Variants in DSCAM observed in about 807,000 individuals in gnomAD.
DSCAM encodes the protein cell adhesion molecule DSCAM.
Under a neutral mutation model 217.7 loss-of-function variants are expected in DSCAM, and 47 were observed. The ratio of observed to expected loss-of-function variants is 0.22; its 90% CI spans 0.17 to 0.28. DSCAM has a LOEUF of 0.28. Ranked by LOEUF, DSCAM falls within the 10% of genes least tolerant of loss-of-function variation. DSCAM has a pLI of 1.00. For synonymous variants in DSCAM, 1,056 were observed against 1,015.3 expected, an observed-to-expected ratio of 1.04 and a Z score of -0.76; for missense variants, 2,080 against 2,618.3, an observed-to-expected ratio of 0.79 and a Z score of 4.49.
intron 9 of DSCAM, among the ~76,000 whole-genome samples, chr21:40,298,546 GATA>G (rs1269473194): frequency 6.6e-6 from 1 of 152,156 alleles, no homozygotes; most frequent in Admixed American, 6.5e-5. Context: ...TTTAAAATAA[GATA>G]ATAAGGAATG....
intron 11 of DSCAM, among the ~76,000 whole-genome samples, chr21:40,218,625 G>T (rs1415929884): frequency 6.6e-6 from 1 of 151,002 alleles, no homozygotes; most frequent in Admixed American, 6.6e-5. Flanking sequence ...ACATGAGCTT[G>T]GGATTTTTTT....
At chr21:40,368,532 T>C (rs1297071075) in intron 4 of DSCAM, among the ~76,000 whole-genome samples, 1 of 152,200 alleles carries the variant, frequency 6.6e-6, no homozygotes, top group Non-Finnish European at 1.5e-5. Context: ...AACAGTACAT[T>C]ATCAAGGACA....
At chr21:40,479,095 G>A (rs1047527092) in intron 3 of DSCAM, among the ~76,000 whole-genome samples, 1 of 152,152 alleles carries the variant, frequency 6.6e-6, no homozygotes, top group African/African-American at 2.4e-5. Context: ...TATGTGCCAG[G>A]TGCTGTGCTA....
intron 3 of DSCAM, among the ~76,000 whole-genome samples, chr21:40,429,434 T>C (rs1050106767): frequency 6.6e-6 from 1 of 151,838 alleles, no homozygotes; most frequent in African/African-American, 2.4e-5. Context: ...GCCTGGCTAA[T>C]TTTTTGTATT....
chr21:40,811,977 T>C (rs1427716846), intron 1 of DSCAM, among the ~76,000 whole-genome samples: 3 of 152,204 alleles, frequency 2.0e-5, no homozygotes, highest in Non-Finnish European at 4.4e-5. Context: ...AAAAAGAGAA[T>C]ATTTCTTCTT....
intron 3 of DSCAM, among the ~76,000 whole-genome samples, chr21:40,537,001 T>C (rs190504721): frequency 6.6e-5 from 10 of 152,264 alleles, no homozygotes; most frequent in African/African-American, 2.4e-4. Flanking sequence ...ACCTAACTTA[T>C]TCCAAACTTT....
chr21:40,789,094 G>C (rs561421925), intron 1 of DSCAM, among the ~76,000 whole-genome samples: 5 of 152,044 alleles, frequency 3.3e-5, no homozygotes, highest in African/African-American at 7.2e-5. Context: ...TGCTACAAAC[G>C]CTTCATCTTA....
intron 20 of DSCAM, among the ~76,000 whole-genome samples, chr21:40,122,229 G>C (rs114352850): frequency 6.6e-6 from 1 of 152,136 alleles, no homozygotes; most frequent in African/African-American, 2.4e-5. Context: ...ACAAATAGGG[G>C]CTTTCTCAGT....
At chr21:40,242,448 G>T (rs2073166264) in intron 11 of DSCAM, among the ~76,000 whole-genome samples, 1 of 152,156 alleles carries the variant, frequency 6.6e-6, no homozygotes, top group Admixed American at 6.5e-5. Context: ...CAGCAGAAGT[G>T]CCATATGTGT....
chr21:40,832,409 A>G (rs572677794), intron 1 of DSCAM, among the ~76,000 whole-genome samples: 40 of 152,302 alleles, frequency 2.6e-4, no homozygotes, highest in African/African-American at 9.1e-4. Flanking sequence ...TACAAGGAGG[A>G]TATCTTTCTT....
rs200160585 is a variant in DSCAM at position 40,369,221 on chromosome 21, G to A, written c.533C>T (p.Thr178Met). The A allele has an allele frequency of 4.2e-5, 67 of 1,609,148 alleles. No individual in the cohort carries two copies. The highest frequency in any genetic ancestry group is 6.8e-5 in the Admixed American group (4 of 59,184). Residue 178 changes from threonine (T) to methionine (M), a missense_variant, in exon 4 of 33, where the codon ACG (threonine) becomes ATG (methionine). This residue lies in a region of DSCAM where 568 missense variants were observed against 678.1 expected (regional missense o/e 0.84). Coordinates refer to ENST00000400454, the MANE Select transcript of DSCAM (RefSeq NM_001389.5). ...VSGSRFLITS[T>M]GALYIKDVQN... ...TACATCTTTAATATACAAGGCTCCCGTGGATGTGATGAGAAATCTAGATCC... is the reference window on the plus strand; with the variant it reads ...TACATCTTTAATATACAAGGCTCCCATGGATGTGATGAGAAATCTAGATCC...
intron 9 of DSCAM, among the ~76,000 whole-genome samples, chr21:40,297,203 T>C (rs1016156093): frequency 5.3e-5 from 8 of 152,286 alleles, no homozygotes; most frequent in Non-Finnish European, 1.0e-4. Context: ...TGAGGTGCTG[T>C]AAAGAACCAT....
intron 28 of DSCAM, among the ~76,000 whole-genome samples, chr21:40,059,074 T>C (rs575019017): frequency 6.6e-5 from 10 of 152,356 alleles, no homozygotes; most frequent in Non-Finnish European, 1.2e-4. Flanking sequence ...AAAGTCTTAA[T>C]AGTCCATCAT....
At chr21:40,356,358 G>C (rs2074692873) in intron 4 of DSCAM, among the ~76,000 whole-genome samples, 1 of 148,498 alleles carries the variant, frequency 6.7e-6, no homozygotes, top group African/African-American at 2.5e-5. Context: ...AACTATGTGA[G>C]GCAATAGATA....
At chr21:40,726,721 C>T (rs1283976239) in intron 1 of DSCAM, among the ~76,000 whole-genome samples, 1 of 152,122 alleles carries the variant, frequency 6.6e-6, no homozygotes, top group Admixed American at 6.5e-5. Context: ...TGAATGTTTG[C>T]CCCCACTCGA....
chr21:40,111,861 G>A (rs2089903335), intron 20 of DSCAM, among the ~76,000 whole-genome samples: 1 of 151,932 alleles, frequency 6.6e-6, no homozygotes, highest in Non-Finnish European at 1.5e-5. Flanking sequence ...AACAAGAAGA[G>A]CTAACTATCC....
intron 3 of DSCAM, among the ~76,000 whole-genome samples, chr21:40,461,697 G>A (rs897270233): frequency 3.3e-5 from 5 of 152,206 alleles, no homozygotes; most frequent in African/African-American, 1.2e-4. Flanking sequence ...AGGGAGATTA[G>A]CCTGGATTAT....
In DSCAM at chr21:40,574,697, A is replaced by C. The variant is rs553452528; in HGVS notation, c.508+118113T>G. 1.7e-3 allele frequency among the ~76,000 whole-genome samples: 241 copies of C among 144,980 alleles called. 1 individual carries two copies. The highest frequency in any genetic ancestry group is 2.9e-3 in the Non-Finnish European group (197 of 67,172). ...CAATGTCAAAAAAGAGAATCACATA[A>C]GGTGCCTGATTTTTTTTTTTTTTTT... On this transcript the variant is annotated intron_variant, in intron 3 of 32. Coordinates refer to ENST00000400454, the MANE Select transcript of DSCAM (RefSeq NM_001389.5).
intron 16 of DSCAM, among the ~76,000 whole-genome samples, chr21:40,155,311 A>G (rs2090464330): frequency 6.6e-6 from 1 of 152,134 alleles, no homozygotes; most frequent in South Asian, 2.1e-4. Flanking sequence ...AACAATGGGG[A>G]CCTAGAGGGT....
Sources: gnomAD v4.1 joint callset for allele counts (sites outside exome capture counted in the v4.1 genomes callset) on GRCh38, gnomAD v4.1.1 for gene constraint, gnomAD v4.1.1 regional missense constraint, MANE v1.5 for transcripts, NCBI Gene and HGNC (gene_info 2026-07-23, HGNC 2026-07-21) for gene names.